Variants in LRMDA observed in about 807,000 individuals in gnomAD.
LRMDA encodes the protein leucine-rich melanocyte differentiation-associated protein.
A neutral mutation model predicts 29.8 loss-of-function variants in LRMDA; 18 were observed. The ratio of observed to expected loss-of-function variants is 0.60; its 90% CI spans 0.42 to 0.90. The LOEUF is 0.90. Among genes scored for constraint, LRMDA ranks in the 40% least tolerant of loss-of-function variants. LRMDA has a pLI of 0.00. For missense variants in LRMDA, 273 were observed against 273.9 expected, an observed-to-expected ratio of 1.00 and a Z score of 0.02; for synonymous variants, 125 against 109.4, an observed-to-expected ratio of 1.14 and a Z score of -0.89.
chr10:75,748,382 C>A (rs991447658), intron 2 of LRMDA, among the ~76,000 whole-genome samples: 4 of 152,158 alleles, frequency 2.6e-5, no homozygotes, highest in African/African-American at 9.7e-5. Context: ...GTGTAAACCC[C>A]CATGCCTGGC....
chr10:75,598,425 C>T lies in LRMDA; in HGVS notation c.131+159931C>T, dbSNP rs559025901. 5.3e-5 allele frequency among the ~76,000 whole-genome samples: 8 copies of T among 152,214 alleles called. No homozygotes were observed. In the East Asian group the frequency reaches 1.5e-3, roughly 29 times the overall value. ...TCGTGTCCCTAGCCTGGCCTTACCT[C>T]TCTTTTAAGACAGAAGGCCTCAGCT... On this transcript the variant is annotated intron_variant, in intron 2 of 6. Transcript: ENST00000611255.
chr10:76,254,785 G>T (rs1260716177), intron 5 of LRMDA, among the ~76,000 whole-genome samples: 1 of 151,498 alleles, frequency 6.6e-6, no homozygotes, highest in Non-Finnish European at 1.5e-5. Context: ...CACATTCTGG[G>T]CATGATTACC....
chr10:75,736,010 G>A (rs1449044377), intron 2 of LRMDA, among the ~76,000 whole-genome samples: 4 of 152,016 alleles, frequency 2.6e-5, no homozygotes, highest in Non-Finnish European at 4.4e-5. Flanking sequence ...AGGAGGACAG[G>A]GCCAGAAGAA....
intron 2 of LRMDA, among the ~76,000 whole-genome samples, chr10:75,624,115 G>A (rs772296679): frequency 5.3e-5 from 8 of 152,128 alleles, no homozygotes; most frequent in Non-Finnish European, 1.0e-4. Flanking sequence ...AATGAATTTA[G>A]CCCTGTTCCT....
chr10:75,503,224 T>C (rs1372411527), intron 2 of LRMDA, among the ~76,000 whole-genome samples: 1 of 152,180 alleles, frequency 6.6e-6, no homozygotes, highest in Non-Finnish European at 1.5e-5. Context: ...GCAGTTGTGC[T>C]TGCCTTCTTT....
chr10:76,326,416 G>A (rs566621888), intron 6 of LRMDA, among the ~76,000 whole-genome samples: 15 of 152,180 alleles, frequency 9.9e-5, no homozygotes, highest in Admixed American at 3.9e-4. Flanking sequence ...TGTACATCAC[G>A]AAAACATTTG....
chr10:76,551,215 T>TA (rs898733204), intron 6 of LRMDA, among the ~76,000 whole-genome samples: 1 of 152,162 alleles, frequency 6.6e-6, no homozygotes, highest in Non-Finnish European at 1.5e-5. Context: ...GTGTTTGGGG[T>TA]AAAAACACCA....
intron 2 of LRMDA, among the ~76,000 whole-genome samples, chr10:75,855,845 T>C (rs1186570701): frequency 6.6e-6 from 1 of 152,234 alleles, no homozygotes; most frequent in Non-Finnish European, 1.5e-5. Flanking sequence ...TCCTTGTTTT[T>C]GTCAGGCTTG....
At chr10:75,849,947 T>C (rs1336813733) in intron 2 of LRMDA, among the ~76,000 whole-genome samples, 4 of 152,210 alleles carry the variant, frequency 2.6e-5, no homozygotes, top group Non-Finnish European at 5.9e-5. Flanking sequence ...GGTAAACTGG[T>C]TCATGTTTGC....
At chr10:76,344,063 C>T (rs912107970) in intron 6 of LRMDA, among the ~76,000 whole-genome samples, 3 of 151,954 alleles carry the variant, frequency 2.0e-5, no homozygotes, top group South Asian at 2.1e-4. Flanking sequence ...CTCAGGCAAT[C>T]CACCCTCCTC....
intron 6 of LRMDA, among the ~76,000 whole-genome samples, chr10:76,380,739 G>A (rs959689003): frequency 6.7e-6 from 1 of 149,986 alleles, no homozygotes; most frequent in Non-Finnish European, 1.5e-5. Flanking sequence ...CCAATAAAGT[G>A]CTTAAAAAGT....
At chr10:75,505,548 G>C (rs1564787827) in intron 2 of LRMDA, among the ~76,000 whole-genome samples, 1 of 152,146 alleles carries the variant, frequency 6.6e-6, no homozygotes, top group Non-Finnish European at 1.5e-5. Flanking sequence ...ATTTTGTGCT[G>C]TTTAGATCCT....
chr10:76,378,858 C>CTTTTTTTTTTT (rs144037195), intron 6 of LRMDA, among the ~76,000 whole-genome samples: 707 of 118,604 alleles, frequency 6.0e-3, no homozygotes, highest in Non-Finnish European at 7.3e-3. Flanking sequence ...CTTTTTTTTT[C>CTTTTTTTTTTT]TTTTTTTTTT....
intron 2 of LRMDA, among the ~76,000 whole-genome samples, chr10:75,520,285 G>A (rs1335490709): frequency 6.6e-6 from 1 of 152,138 alleles, no homozygotes; most frequent in African/African-American, 2.4e-5. Context: ...TTCCAACTTG[G>A]TTCAATTTTC....
At chr10:76,141,032 T>C (rs1040732285) in intron 5 of LRMDA, among the ~76,000 whole-genome samples, 4 of 152,132 alleles carry the variant, frequency 2.6e-5, no homozygotes, top group Non-Finnish European at 5.9e-5. Flanking sequence ...GTATTTAAGC[T>C]TGAACCATCT....
At chr10:76,317,126 G>T (rs1840709627) in intron 5 of LRMDA, among the ~76,000 whole-genome samples, 1 of 152,186 alleles carries the variant, frequency 6.6e-6, no homozygotes, top group Non-Finnish European at 1.5e-5. Context: ...TACGGAAACA[G>T]TTTGGGCTTT....
intron 2 of LRMDA, among the ~76,000 whole-genome samples, chr10:75,805,262 A>G (rs975699922): frequency 6.6e-6 from 1 of 152,092 alleles, no homozygotes; most frequent in Admixed American, 6.5e-5. Context: ...TAAGGGTTGG[A>G]GAAAGTAATG....
At chr10:75,470,201 A>G (rs1298182200) in intron 2 of LRMDA, among the ~76,000 whole-genome samples, 1 of 152,206 alleles carries the variant, frequency 6.6e-6, no homozygotes, top group Non-Finnish European at 1.5e-5. Flanking sequence ...GTGAAGATCA[A>G]AACATAAAGG....
At chr10:76,272,892 A>G (rs1383482970) in intron 5 of LRMDA, among the ~76,000 whole-genome samples, 2 of 152,102 alleles carry the variant, frequency 1.3e-5, no homozygotes, top group Non-Finnish European at 2.9e-5. Flanking sequence ...ACGAGAACTC[A>G]CTCACTATCA....
Sources: allele counts gnomAD v4.1 joint callset (sites outside exome capture counted in the v4.1 genomes callset), GRCh38; gene constraint gnomAD v4.1.1; transcripts MANE v1.5; gene names NCBI Gene and HGNC (gene_info 2026-07-23, HGNC 2026-07-21).